PRKACB: variants seen among roughly 807,000 people sequenced by gnomAD.
PRKACB encodes the protein protein kinase cAMP-activated catalytic subunit beta.
In PRKACB, 16 loss-of-function variants were observed where a neutral mutation model predicts 51.4. The observed-to-expected ratio is 0.31, with a 90% confidence interval of 0.21 to 0.47. PRKACB has a LOEUF of 0.47. PRKACB is among the 20% of genes least tolerant of loss of function. The pLI is 1.00. For missense variants in PRKACB, 309 were observed against 464.5 expected (o/e 0.67, Z 3.08); for synonymous variants, 147 against 154.4 (o/e 0.95, Z 0.35).
chr1:84,143,278 C>G (rs921811116), upstream of PRKACB, among the ~76,000 whole-genome samples: 5 of 152,080 alleles, frequency 3.3e-5, no homozygotes, highest in East Asian at 9.7e-4. Context: ...ATGGAGAAAC[C>G]CCATCTCTAC....
At chr1:84,078,248 T>G in exon 1 of PRKACB, 1 of 1,504,004 alleles carries the variant, frequency 6.6e-7, no homozygotes, top group East Asian at 2.4e-5. Context: ...ACGCGGGAGT[T>G]GTCCCAGACT....
intron 5 of PRKACB, among the ~76,000 whole-genome samples, chr1:84,195,412 A>G (rs142829677): frequency 1.3e-5 from 2 of 152,356 alleles, no homozygotes; most frequent in East Asian, 3.9e-4. Flanking sequence ...TCAAATTCAT[A>G]CCAACCATCT....
At chr1:84,184,284 T>C in intron 4 of PRKACB, 149 bp downstream of exon 4, 1 of 658,064 alleles carries the variant, frequency 1.5e-6, no homozygotes, top group Non-Finnish European at 2.3e-6. Context: ...TAAATCCTAT[T>C]GTGCTTATAA....
chr1:84,196,568 T>A (rs754700028), intron 5 of PRKACB, 48 bp from the exon 6 acceptor site: 14 of 1,568,916 alleles, frequency 8.9e-6, no homozygotes, highest in Non-Finnish European at 1.2e-5. Flanking sequence ...CTAATTAGAA[T>A]GTATTAACTC....
chr1:84,159,679 C>T (rs1320563892), intron 1 of PRKACB, among the ~76,000 whole-genome samples: 1 of 152,056 alleles, frequency 6.6e-6, no homozygotes, highest in Admixed American at 6.6e-5. Flanking sequence ...AAGGGGAAAG[C>T]GTTCCATCTT....
intron 1 of PRKACB, among the ~76,000 whole-genome samples, chr1:84,088,192 A>G (rs1219347200): frequency 6.6e-6 from 1 of 152,182 alleles, no homozygotes; most frequent in Non-Finnish European, 1.5e-5. Flanking sequence ...GCCTGATGTA[A>G]CAAGGTATAA....
chr1:84,175,145 A>G, intron 1 of PRKACB: 14 of 1,207,204 alleles, frequency 1.2e-5, no homozygotes, highest in Non-Finnish European at 1.5e-5. Flanking sequence ...ATAAAGTTAT[A>G]TATTTTTAAG....
chr1:84,160,277 G>A (rs2100693413), intron 1 of PRKACB, among the ~76,000 whole-genome samples: 1 of 151,978 alleles, frequency 6.6e-6, no homozygotes, highest in East Asian at 1.9e-4. Context: ...TTTAGTTAGT[G>A]TTGGTAATTT....
chr1:84,186,380 G>A (rs1252938636), intron 5 of PRKACB, among the ~76,000 whole-genome samples: 1 of 151,830 alleles, frequency 6.6e-6, no homozygotes, highest in Non-Finnish European at 1.5e-5. Flanking sequence ...CACCACATCC[G>A]GCTAATTTTT....
chr1:84,231,551 T>C (rs989451167), intron 9 of PRKACB, among the ~76,000 whole-genome samples: 15 of 152,250 alleles, frequency 9.9e-5, no homozygotes, highest in African/African-American at 3.4e-4. Flanking sequence ...CATCTGGTCC[T>C]GGACTCTTTT....
intron 1 of PRKACB, among the ~76,000 whole-genome samples, chr1:84,172,985 A>G (rs187222559): frequency 9.2e-5 from 14 of 151,830 alleles, no homozygotes; most frequent in African/African-American, 3.4e-4. Context: ...TATACTCGCT[A>G]TCATTTTTAA....
In PRKACB at chr1:84,170,889, T is replaced by G. The variant is rs566327976; in HGVS notation, c.188-8288T>G. On this transcript the variant is annotated intron_variant, in intron 1 of 9. Transcript: ENST00000370685. ...TTTTATAGATATAGATAGAGAATTC[T>G]TACCCAGTAATTGAAGAATACATAG... 4.0e-5 allele frequency among the ~76,000 whole-genome samples: 6 copies of G among 151,742 alleles called. No individual in the cohort carries two copies. In the South Asian group the frequency reaches 1.0e-3, roughly 26 times the overall value.
chr1:84,207,810 G>A (rs1465135328), intron 8 of PRKACB, among the ~76,000 whole-genome samples: 1 of 151,976 alleles, frequency 6.6e-6, no homozygotes, highest in Non-Finnish European at 1.5e-5. Flanking sequence ...CTGTGATTAA[G>A]CTTAGTGTAA....
intron 3 of PRKACB, among the ~76,000 whole-genome samples, chr1:84,183,259 T>C (rs1182539916): frequency 6.6e-6 from 1 of 151,962 alleles, no homozygotes; most frequent in Non-Finnish European, 1.5e-5. Context: ...AAATTCAAAA[T>C]AGAATCACAT....
chr1:84,166,441 A>G (rs574680797), intron 1 of PRKACB, among the ~76,000 whole-genome samples: 18 of 151,822 alleles, frequency 1.2e-4, no homozygotes, highest in Admixed American at 1.1e-3. Context: ...GGAAAATGTT[A>G]TTGCTTCACT....
At chr1:84,200,182 G>C (rs780989959) in intron 7 of PRKACB, among the ~76,000 whole-genome samples, 3 of 152,026 alleles carry the variant, frequency 2.0e-5, no homozygotes, top group Non-Finnish European at 1.5e-5. Context: ...ATTCTGACTG[G>C]TGTGGAATGG....
chr1:84,163,552 C>T (rs767686954), intron 1 of PRKACB, among the ~76,000 whole-genome samples: 1 of 151,966 alleles, frequency 6.6e-6, no homozygotes, highest in Non-Finnish European at 1.5e-5. Context: ...ATGACCAGCC[C>T]TACCCTGGTA....
intron 8 of PRKACB, among the ~76,000 whole-genome samples, chr1:84,207,051 A>G (rs1219470115): frequency 6.6e-6 from 1 of 152,214 alleles, no homozygotes. Flanking sequence ...ACTTAGAAGT[A>G]TTCAGAAATC....
At chr1:84,113,356 A>G (rs1286473068) in intron 1 of PRKACB, among the ~76,000 whole-genome samples, 4 of 152,210 alleles carry the variant, frequency 2.6e-5, no homozygotes, top group East Asian at 3.8e-4. Flanking sequence ...AAAAGGAAGT[A>G]TGTATCAAAA....
Sources: gnomAD v4.1 joint callset for allele counts (sites outside exome capture counted in the v4.1 genomes callset) on GRCh38, gnomAD v4.1.1 for gene constraint, MANE v1.5 for transcripts, NCBI Gene and HGNC (gene_info 2026-07-23, HGNC 2026-07-21) for gene names.